FRMD4A: variants seen among roughly 807,000 people sequenced by gnomAD.
FRMD4A encodes FERM domain containing 4A.
In FRMD4A, 29 loss-of-function variants were observed where a neutral mutation model predicts 129.1. That is an observed-to-expected ratio of 0.22 (90% CI 0.17 to 0.31). FRMD4A has a LOEUF of 0.31. Ranked by LOEUF, FRMD4A falls within the 10% of genes least tolerant of loss-of-function variation. The pLI is 1.00. For missense variants in FRMD4A, 1,272 were observed against 1,375.8 expected, an observed-to-expected ratio of 0.92 and a Z score of 1.19; for synonymous variants, 634 against 571.6, an observed-to-expected ratio of 1.11 and a Z score of -1.56.
chr10:13,954,073 G>T (rs1447344817), intron 2 of FRMD4A, among the ~76,000 whole-genome samples: 1 of 152,198 alleles, frequency 6.6e-6, no homozygotes, highest in Non-Finnish European at 1.5e-5. Flanking sequence ...TAGGACATCA[G>T]GGCAGAAACA....
chr10:13,909,556 C>T (rs534436834), intron 2 of FRMD4A, among the ~76,000 whole-genome samples: 42 of 152,234 alleles, frequency 2.8e-4, no homozygotes, highest in African/African-American at 9.9e-4. Flanking sequence ...ATTATGAATG[C>T]AAAAGGTGTC....
chr10:14,222,468 G>A (rs373004181), intron 2 of FRMD4A, among the ~76,000 whole-genome samples: 1 of 152,186 alleles, frequency 6.6e-6, no homozygotes, highest in Admixed American at 6.5e-5. Flanking sequence ...AGCAGAAGAT[G>A]TGAGAAACTT....
chr10:14,330,827 G>T lies in FRMD4A; in HGVS notation c.-312C>A. On this transcript the variant is annotated 5_prime_UTR_variant, in exon 1 of 25. Transcript: ENST00000357447. Reference sequence around the variant, plus strand: ...AGTAGACTGGCCAGCTCAGCTCCCGGTAGGGCTAACATACTTAAGAGGAAC... The same window carrying T: ...AGTAGACTGGCCAGCTCAGCTCCCGTTAGGGCTAACATACTTAAGAGGAAC... The T allele has an allele frequency of 2.5e-6, 1 of 398,720 alleles. No homozygotes were observed. Among genetic ancestry groups the T allele is most frequent in the Non-Finnish European group, 4.4e-6 (1 of 226,200 alleles). The allele number at this position is 398,720 out of a possible 1,614,324, so 24.7% of individuals were successfully genotyped here. A position where few individuals can be genotyped will look rare whatever the true frequency, so the allele number is the denominator to read the frequency against.
intron 2 of FRMD4A, among the ~76,000 whole-genome samples, chr10:13,865,364 G>A (rs1202255572): frequency 6.6e-6 from 1 of 151,820 alleles, no homozygotes; most frequent in Non-Finnish European, 1.5e-5. Context: ...TGTAGGACAG[G>A]AGGTAGATAC....
At chr10:13,980,362 A>G (rs558222275) in intron 2 of FRMD4A, among the ~76,000 whole-genome samples, 1 of 152,270 alleles carries the variant, frequency 6.6e-6, no homozygotes, top group South Asian at 2.1e-4. Flanking sequence ...AAAAAAATCT[A>G]TTTTATTCTA....
At chr10:14,140,419 G>A (rs919298337) in intron 2 of FRMD4A, among the ~76,000 whole-genome samples, 4 of 152,138 alleles carry the variant, frequency 2.6e-5, no homozygotes, top group Admixed American at 6.6e-5. Flanking sequence ...GAAATGTCTC[G>A]AACGTTTTGT....
chr10:14,000,646 CAAAAAAAAA>C (rs11377448), intron 2 of FRMD4A, among the ~76,000 whole-genome samples: 1 of 43,478 alleles, frequency 2.3e-5, no homozygotes, highest in East Asian at 6.5e-4. Flanking sequence ...GACGCCACCT[CAAAAAAAAA>C]AAAAAAAAAA....
At chr10:13,883,088 G>C (rs1373630955) in intron 2 of FRMD4A, among the ~76,000 whole-genome samples, 1 of 152,112 alleles carries the variant, frequency 6.6e-6, no homozygotes, top group Non-Finnish European at 1.5e-5. Context: ...ACAGGCATAA[G>C]CCACTGCACC....
intron 2 of FRMD4A, among the ~76,000 whole-genome samples, chr10:14,257,943 G>T (rs561581491): frequency 6.6e-6 from 1 of 152,260 alleles, no homozygotes; most frequent in South Asian, 2.1e-4. Context: ...CTAATACAAG[G>T]TGCAATGGAG....
chr10:13,847,532 C>A (rs1404056847), intron 3 of FRMD4A, among the ~76,000 whole-genome samples: 2 of 152,188 alleles, frequency 1.3e-5, no homozygotes, highest in Non-Finnish European at 2.9e-5. Flanking sequence ...CCCTTCCTCC[C>A]TTCCTCCCTT....
chr10:13,654,265 G>C (rs999734809), intron 23 of FRMD4A, 151 bp downstream of exon 23: 2 of 665,408 alleles, frequency 3.0e-6, no homozygotes, highest in Non-Finnish European at 2.7e-6. Flanking sequence ...AGAGGTGACA[G>C]CAGATCATGG....
intron 2 of FRMD4A, among the ~76,000 whole-genome samples, chr10:13,961,901 T>C (rs2095447405): frequency 6.6e-6 from 1 of 152,186 alleles, no homozygotes; most frequent in South Asian, 2.1e-4. Context: ...TGTTCATTAA[T>C]TATTTGTTAG....
chr10:14,316,508 C>CAAAAAAAAAA (rs760301974), intron 2 of FRMD4A, among the ~76,000 whole-genome samples: 2 of 109,938 alleles, frequency 1.8e-5, no homozygotes, highest in Non-Finnish European at 3.7e-5. Context: ...GTGATAGCAG[C>CAAAAAAAAAA]AAAAAAAAAA....
intron 6 of FRMD4A, among the ~76,000 whole-genome samples, chr10:13,782,667 C>G (rs2092766537): frequency 6.6e-6 from 1 of 152,174 alleles, no homozygotes; most frequent in Non-Finnish European, 1.5e-5. Context: ...TAATCTCAAT[C>G]TCTTGACCAC....
intron 2 of FRMD4A, among the ~76,000 whole-genome samples, chr10:14,285,176 C>T (rs1354042932): frequency 6.6e-6 from 1 of 152,214 alleles, no homozygotes; most frequent in African/African-American, 2.4e-5. Flanking sequence ...AGTGACACCG[C>T]TTCCCAGCGT....
At chr10:13,702,205 G>A (rs1025586204) in intron 13 of FRMD4A, among the ~76,000 whole-genome samples, 4 of 152,102 alleles carry the variant, frequency 2.6e-5, no homozygotes, top group Admixed American at 6.6e-5. Flanking sequence ...CTAAGTAGCT[G>A]GGATGACAGA....
chr10:13,840,508 A>G (rs2093945418), intron 3 of FRMD4A, among the ~76,000 whole-genome samples: 1 of 152,120 alleles, frequency 6.6e-6, no homozygotes, highest in Non-Finnish European at 1.5e-5. Flanking sequence ...TGGTCTAAGG[A>G]CCATGTGGGT....
intron 2 of FRMD4A, among the ~76,000 whole-genome samples, chr10:14,321,654 A>G (rs1398786424): frequency 6.6e-6 from 1 of 152,194 alleles, no homozygotes; most frequent in Non-Finnish European, 1.5e-5. Context: ...TTAGGCAGAG[A>G]AATTAGACCT....
intron 23 of FRMD4A, 45 bp from the exon 24 acceptor site, chr10:13,652,019 TAC>T: frequency 2.0e-6 from 2 of 1,018,540 alleles, no homozygotes; most frequent in Non-Finnish European, 3.1e-6. Context: ...GAGGTCATGT[TAC>T]AGAGAGACAC....
Sources: allele counts gnomAD v4.1 joint callset (sites outside exome capture counted in the v4.1 genomes callset), GRCh38; gene constraint gnomAD v4.1.1; transcripts MANE v1.5; gene names NCBI Gene and HGNC (gene_info 2026-07-23, HGNC 2026-07-21).